MB21D2: variants seen among roughly 807,000 people sequenced by gnomAD.
MB21D2 encodes the protein Mab-21 domain containing 2.
MB21D2 carries 9 observed loss-of-function variants against 33.3 expected under a neutral mutation model. The observed-to-expected ratio is 0.27, with a 90% CI of 0.16 to 0.47. The LOEUF is 0.47. MB21D2 is among the 20% of genes least tolerant of loss of function. The probability of loss-of-function intolerance (pLI) is 0.99; values close to 1 mark genes in which losing one functional copy is unlikely to be tolerated. For synonymous variants in MB21D2, 241 were observed against 236.3 expected (o/e 1.02, Z -0.18); for missense variants, 540 against 624.6 (o/e 0.86, Z 1.44).
At chr3:192,875,265 G>C (rs1713405359) in intron 1 of MB21D2, among the ~76,000 whole-genome samples, 1 of 150,600 alleles carries the variant, frequency 6.6e-6, no homozygotes, top group African/African-American at 2.4e-5. Context: ...CCTGAGGACT[G>C]ACACTGCTGT....
intron 1 of MB21D2, among the ~76,000 whole-genome samples, chr3:192,883,643 A>G (rs919140349): frequency 6.6e-6 from 1 of 152,114 alleles, no homozygotes; most frequent in Non-Finnish European, 1.5e-5. Flanking sequence ...CAGTAGTTGT[A>G]GTTGTATCTC....
At chr3:192,819,222 T>C (rs1644136582) in intron 1 of MB21D2, among the ~76,000 whole-genome samples, 1 of 152,006 alleles carries the variant, frequency 6.6e-6, no homozygotes, top group Non-Finnish European at 1.5e-5. Context: ...AAGGCCCAGT[T>C]ATATATTAAG....
intron 1 of MB21D2, among the ~76,000 whole-genome samples, chr3:192,869,934 C>A (rs959932652): frequency 6.6e-6 from 1 of 152,114 alleles, no homozygotes; most frequent in Admixed American, 6.6e-5. Flanking sequence ...TACAGCCATG[C>A]AGAGCAATTC....
chr3:192,908,915 G>C (rs1714270861), intron 1 of MB21D2, among the ~76,000 whole-genome samples: 1 of 152,104 alleles, frequency 6.6e-6, no homozygotes, highest in African/African-American at 2.4e-5. Context: ...GCATATTTAA[G>C]TGAATATGAT....
chr3:192,814,626 G>A (rs1711872364), intron 1 of MB21D2, among the ~76,000 whole-genome samples: 1 of 152,112 alleles, frequency 6.6e-6, no homozygotes, highest in African/African-American at 2.4e-5. Flanking sequence ...ACTTTGGGAG[G>A]CCAAGGTGGG....
In MB21D2 at chr3:192,847,168, A is replaced by T. The variant is rs372950346; in HGVS notation, c.212-47518T>A. ...CAGACACTCACACGATTATTTGTCA[A>T]ACAAGATTCAGATGATTGGGTCTCA... On this transcript the variant is annotated intron_variant, in intron 1 of 1. Coordinates refer to ENST00000392452, the MANE Select transcript of MB21D2 (RefSeq NM_178496.4). Among the ~76,000 whole-genome samples the T allele has an allele frequency of 9.2e-5, 14 of 152,332 alleles. No homozygotes were observed. The East Asian group carries it at 2.5e-3, about 27-fold the overall frequency.
intron 1 of MB21D2, among the ~76,000 whole-genome samples, chr3:192,831,974 C>T (rs1443711371): frequency 1.3e-5 from 2 of 152,164 alleles, no homozygotes; most frequent in African/African-American, 4.8e-5. Context: ...TTGCCTCAGG[C>T]TCCTATCACA....
chr3:192,888,562 C>T (rs1303612769), intron 1 of MB21D2, among the ~76,000 whole-genome samples: 1 of 152,074 alleles, frequency 6.6e-6, no homozygotes, highest in Non-Finnish European at 1.5e-5. Flanking sequence ...TAACCAAAGT[C>T]TTCCGTCCTC....
rs1711517241 is a variant in MB21D2, at chr3:192,799,695, G to A, written c.212-45C>T. On this transcript the variant is annotated intron_variant, in intron 1 of 1. Coordinates refer to ENST00000392452, the MANE Select transcript of MB21D2 (RefSeq NM_178496.4). The surrounding 1 kb of genome is among the most constrained non-coding windows in gnomAD (Gnocchi z 4.1). ...AAACAACACTATTACAGGAAACACA[G>A]ACATAAGAGTCTTATGCATGAAACA... 1.3e-6 allele frequency: 2 copies of A among 1,560,240 alleles called. No homozygotes were observed. Among genetic ancestry groups the A allele is most frequent in the Non-Finnish European group, 8.7e-7 (1 of 1,155,312 alleles).
chr3:192,914,696 G>A (rs1370205973), intron 1 of MB21D2, among the ~76,000 whole-genome samples: 1 of 152,036 alleles, frequency 6.6e-6, no homozygotes, highest in Non-Finnish European at 1.5e-5. Flanking sequence ...GACAATTGCA[G>A]CTAACACCTG....
At chr3:192,894,221 T>A (rs1392284330) in intron 1 of MB21D2, among the ~76,000 whole-genome samples, 1 of 151,926 alleles carries the variant, frequency 6.6e-6, no homozygotes, top group African/African-American at 2.4e-5. Flanking sequence ...CTCTGCCTCC[T>A]AGATACAAGC....
At chr3:192,811,775 T>C (rs1711792525) in intron 1 of MB21D2, among the ~76,000 whole-genome samples, 1 of 152,066 alleles carries the variant, frequency 6.6e-6, no homozygotes, top group East Asian at 1.9e-4. Flanking sequence ...ACAATGGGGA[T>C]TAAGGTTGGG....
At chr3:192,827,255 A>G (rs1291257122) in intron 1 of MB21D2, among the ~76,000 whole-genome samples, 1 of 152,114 alleles carries the variant, frequency 6.6e-6, no homozygotes, top group Admixed American at 6.6e-5. Flanking sequence ...ATTAAGAAGC[A>G]AAATTTCACA....
At chr3:192,897,219 G>A (rs1028094754) in intron 1 of MB21D2, among the ~76,000 whole-genome samples, 1 of 152,096 alleles carries the variant, frequency 6.6e-6, no homozygotes, top group African/African-American at 2.4e-5. Context: ...TAGTCAGAGA[G>A]GCTAGTTTGA....
At chr3:192,809,781 GAC>G (rs1260857467) in intron 1 of MB21D2, among the ~76,000 whole-genome samples, 20 of 152,314 alleles carry the variant, frequency 1.3e-4, no homozygotes, top group Non-Finnish European at 1.5e-5. Flanking sequence ...TTAGTGCTGA[GAC>G]ACACAGCTAT....
In MB21D2 at chr3:192,799,445, G is replaced by C. The variant is rs1481047375; in HGVS notation, c.417C>G (p.Arg139=). ...GCCAAGAGTGGCACAAGGCTGAGTG[G>C]CGCATGTCGAGTGTCACAGGCTGAT... ...DRNQPVTLDM[R]HSALCHSWLS... The change falls in exon 2 of 2, where the codon CGC becomes CGG. Residue 139 remains arginine, a synonymous_variant. Transcript: ENST00000392452. The surrounding 1 kb of genome is among the most constrained non-coding windows in gnomAD (Gnocchi z 4.1). 6.2e-7 allele frequency: 1 copy of C among 1,614,214 alleles called. No homozygotes were observed. Among genetic ancestry groups the C allele is most frequent in the Non-Finnish European group, 8.5e-7 (1 of 1,180,034 alleles).
intron 1 of MB21D2, among the ~76,000 whole-genome samples, chr3:192,889,348 G>A (rs1014940204): frequency 2.0e-5 from 3 of 152,104 alleles, no homozygotes; most frequent in Non-Finnish European, 2.9e-5. Context: ...GAGTAGCTTG[G>A]AATGGCTGGA....
chr3:192,908,063 C>T (rs1714250958), intron 1 of MB21D2, among the ~76,000 whole-genome samples: 1 of 152,256 alleles, frequency 6.6e-6, no homozygotes, highest in South Asian at 2.1e-4. Flanking sequence ...AAAACTTGCC[C>T]TACATCCCTC....
Position 192,897,002 on chromosome 3 carries a change from T to A in MB21D2, c.211+20628A>T, listed in dbSNP as rs80071459. Among the ~76,000 whole-genome samples the A allele has an allele frequency of 4.5e-3, 678 of 152,018 alleles. 5 individuals are homozygous for A. The highest frequency in any genetic ancestry group is 0.016 in the African/African-American group (653 of 41,460). ...AGATTTCTAAAATGAACCATCAAGG[T>A]GAAACAAGACATAAATTCCTCTATG... On this transcript the variant is annotated intron_variant, in intron 1 of 1. Coordinates refer to ENST00000392452, the MANE Select transcript of MB21D2 (RefSeq NM_178496.4).
Sources: gnomAD v4.1 joint callset for allele counts (sites outside exome capture counted in the v4.1 genomes callset) on GRCh38, gnomAD v4.1.1 for gene constraint, Gnocchi (gnomAD v3.1) non-coding constraint, MANE v1.5 for transcripts, NCBI Gene and HGNC (gene_info 2026-07-23, HGNC 2026-07-21) for gene names.